The following PRLR variants were observed in gnomAD, a reference collection of about 807,000 sequenced individuals.
The protein encoded by PRLR is hPRL receptor.
PRLR carries 13 observed loss-of-function variants against 40.2 expected under a neutral mutation model. The ratio of observed to expected loss-of-function variants is 0.32; its 90% CI spans 0.21 to 0.51. The LOEUF (loss-of-function observed/expected upper bound fraction) is 0.51. PRLR is among the 20% of genes least tolerant of loss of function. The probability of loss-of-function intolerance (pLI) is 0.97; values close to 1 mark genes in which losing one functional copy is unlikely to be tolerated. For synonymous variants in PRLR, 269 were observed against 278.7 expected, an observed-to-expected ratio of 0.97 and a Z score of 0.35; for missense variants, 656 against 747.3, an observed-to-expected ratio of 0.88 and a Z score of 1.42.
At chr5:35,207,318 A>AT (rs1776048876) in intron 1 of PRLR, among the ~76,000 whole-genome samples, 1 of 152,126 alleles carries the variant, frequency 6.6e-6, no homozygotes, top group Admixed American at 6.5e-5. Context: ...AAATAATCAG[A>AT]TAAAAAGTAA....
intron 1 of PRLR, among the ~76,000 whole-genome samples, chr5:35,124,718 T>C (rs1360909959): frequency 1.3e-5 from 2 of 152,006 alleles, no homozygotes; most frequent in Non-Finnish European, 2.9e-5. Context: ...ATAACCATGA[T>C]GGCAGACTTC....
At chr5:35,173,958 A>G (rs529196010) in intron 1 of PRLR, among the ~76,000 whole-genome samples, 1 of 152,150 alleles carries the variant, frequency 6.6e-6, no homozygotes, top group South Asian at 2.1e-4. Context: ...CATTAGGTAT[A>G]TCTCCTAATG....
intron 1 of PRLR, among the ~76,000 whole-genome samples, chr5:35,184,509 T>A (rs1416072922): frequency 6.6e-6 from 1 of 152,072 alleles, no homozygotes; most frequent in Non-Finnish European, 1.5e-5. Context: ...AGAGTGAGAC[T>A]CCATCTTATA....
intron 5 of PRLR, among the ~76,000 whole-genome samples, chr5:35,084,134 T>A (rs905197342): frequency 8.5e-5 from 13 of 152,074 alleles, no homozygotes; most frequent in African/African-American, 2.9e-4. Context: ...ATAAAAGAAA[T>A]CCCAGCTTGC....
chr5:35,215,822 A>G (rs1579811084), intron 1 of PRLR, among the ~76,000 whole-genome samples: 1 of 145,636 alleles, frequency 6.9e-6, no homozygotes, highest in African/African-American at 2.5e-5. Flanking sequence ...GATAGGCAGG[A>G]GTTCGAGACC....
intron 1 of PRLR, among the ~76,000 whole-genome samples, chr5:35,153,999 GATT>G (rs1351234453): frequency 2.6e-5 from 4 of 152,162 alleles, no homozygotes; most frequent in African/African-American, 4.8e-5. Flanking sequence ...CAAAATAGAT[GATT>G]CCTTTAATTG....
intron 1 of PRLR, among the ~76,000 whole-genome samples, chr5:35,200,554 A>G (rs875701): frequency 0.58 from 88,815 of 151,968 alleles, 26,837 homozygotes; most frequent in Non-Finnish European, 0.67. Context: ...TCATGGATAT[A>G]CTCCCCAAGA....
At chr5:35,218,687 G>C (rs539088661) in intron 1 of PRLR, among the ~76,000 whole-genome samples, 1 of 152,262 alleles carries the variant, frequency 6.6e-6, no homozygotes, top group Non-Finnish European at 1.5e-5. Flanking sequence ...TGTTTCCTAG[G>C]CTTATTTCGC....
At chr5:35,085,932 G>A (rs1399969204) in intron 4 of PRLR, among the ~76,000 whole-genome samples, 1 of 152,108 alleles carries the variant, frequency 6.6e-6, no homozygotes, top group East Asian at 1.9e-4. Context: ...TCAGGGTGAG[G>A]AGACCTAGGG....
intron 2 of PRLR, among the ~76,000 whole-genome samples, chr5:35,109,725 T>C (rs1269234449): frequency 1.3e-5 from 2 of 152,186 alleles, no homozygotes; most frequent in Admixed American, 6.5e-5. Context: ...CAACAGGTGC[T>C]GGAGAGGATG....
At chr5:35,126,973 G>A (rs537897530) in intron 1 of PRLR, among the ~76,000 whole-genome samples, 7 of 152,216 alleles carry the variant, frequency 4.6e-5, no homozygotes, top group South Asian at 2.1e-4. Context: ...GCCTTCAGTC[G>A]GCCTCTACTC....
intron 1 of PRLR, among the ~76,000 whole-genome samples, chr5:35,209,768 C>G (rs1776123419): frequency 6.6e-6 from 1 of 152,192 alleles, no homozygotes; most frequent in Non-Finnish European, 1.5e-5. Flanking sequence ...GGTATATGGG[C>G]TTGGGCCACC....
At chr5:35,049,246 A>C (rs1768391270) in exon 9 of PRLR, 3 of 702,700 alleles carry the variant, frequency 4.3e-6, no homozygotes. Flanking sequence ...CAGAGGGGAG[A>C]AAATGTTGAG....
At chr5:35,153,750 A>G (rs1579738971) in intron 1 of PRLR, among the ~76,000 whole-genome samples, 2 of 150,018 alleles carry the variant, frequency 1.3e-5, no homozygotes, top group Admixed American at 6.6e-5. Context: ...TGCACACACT[A>G]CACACACTAC....
At chr5:35,223,274 A>T (rs561142910) in intron 1 of PRLR, among the ~76,000 whole-genome samples, 1 of 152,348 alleles carries the variant, frequency 6.6e-6, no homozygotes, top group South Asian at 2.1e-4. Flanking sequence ...TTGCTCAGTG[A>T]TTCTCAACTC....
At chr5:35,205,871 A>C (rs1264391835) in intron 1 of PRLR, among the ~76,000 whole-genome samples, 1 of 152,228 alleles carries the variant, frequency 6.6e-6, no homozygotes, top group Non-Finnish European at 1.5e-5. Context: ...AGCCCAGTAC[A>C]TATTGAACAG....
intron 1 of PRLR, among the ~76,000 whole-genome samples, chr5:35,121,308 T>A (rs778631335): frequency 6.6e-6 from 1 of 152,230 alleles, no homozygotes; most frequent in Non-Finnish European, 1.5e-5. Flanking sequence ...CATTTCTGTA[T>A]CTTCAGCATG....
chr5:35,163,619 A>C (rs570691701), intron 1 of PRLR, among the ~76,000 whole-genome samples: 16 of 152,354 alleles, frequency 1.1e-4, no homozygotes, highest in Non-Finnish European at 1.8e-4. Context: ...GGTCAGAGAC[A>C]TGGTAAGTGC....
intron 1 of PRLR, among the ~76,000 whole-genome samples, chr5:35,171,254 G>A (rs923638147): frequency 8.5e-5 from 13 of 152,224 alleles, no homozygotes; most frequent in African/African-American, 3.1e-4. Flanking sequence ...AGCAACCCTT[G>A]CTGCTATGTA....
Sources: allele counts gnomAD v4.1 joint callset (sites outside exome capture counted in the v4.1 genomes callset), GRCh38; gene constraint gnomAD v4.1.1; transcripts MANE v1.5; gene names NCBI Gene and HGNC (gene_info 2026-07-23, HGNC 2026-07-21).